Variants in LDLRAD3 observed in about 807,000 individuals in gnomAD.
The protein encoded by LDLRAD3 is low-density lipoprotein receptor class A domain-containing protein 3.
LDLRAD3 carries 20 observed loss-of-function variants against 29.4 expected under a neutral mutation model. That is an observed-to-expected ratio of 0.68 (90% CI 0.48 to 0.99). The LOEUF is 0.99. Ranked by LOEUF, LDLRAD3 falls within the 50% of genes least tolerant of loss-of-function variation. The pLI is 0.00. For missense variants in LDLRAD3, 420 were observed against 454.3 expected (o/e 0.92, Z 0.69); for synonymous variants, 157 against 192.7 (o/e 0.81, Z 1.53).
chr11:36,187,582 C>G (rs143808588), intron 4 of LDLRAD3, among the ~76,000 whole-genome samples: 1 of 152,244 alleles, frequency 6.6e-6, no homozygotes, highest in East Asian at 1.9e-4. Flanking sequence ...GGACATACAG[C>G]TCAGCTGAGA....
chr11:36,089,325 C>T (rs1853242255), intron 3 of LDLRAD3, among the ~76,000 whole-genome samples: 1 of 152,154 alleles, frequency 6.6e-6, no homozygotes, highest in Non-Finnish European at 1.5e-5. Context: ...AAATAACTTG[C>T]CCATACTCAC....
intron 4 of LDLRAD3, among the ~76,000 whole-genome samples, chr11:36,193,526 GT>G: frequency 6.6e-6 from 1 of 152,322 alleles, no homozygotes; most frequent in South Asian, 2.1e-4. Flanking sequence ...ACGCTGAGAT[GT>G]GTGCTTTGCA....
intron 4 of LDLRAD3, among the ~76,000 whole-genome samples, chr11:36,116,844 CTT>C (rs58819693): frequency 0.48 from 65,968 of 136,662 alleles, 17,733 homozygotes; most frequent in Admixed American, 0.6. Context: ...TTCTTTTTTT[CTT>C]TTTTTTTTTT....
chr11:36,213,399 T>G lies in LDLRAD3; in HGVS notation c.455-13686T>G, dbSNP rs1234426880. On this transcript the variant is annotated intron_variant, in intron 4 of 5. Coordinates refer to ENST00000315571, the MANE Select transcript of LDLRAD3 (RefSeq NM_174902.4). This position sits in a 1 kb window ranked among gnomAD's most constrained non-coding sequence, Gnocchi z 4.1. Reference sequence around the variant, plus strand: ...TTCAGTCATTTGCTGGTCTGCCCTTTAAATTAAACTTTTTCAATCCGCATC... The same window carrying G: ...TTCAGTCATTTGCTGGTCTGCCCTTGAAATTAAACTTTTTCAATCCGCATC... 2.0e-5 allele frequency among the ~76,000 whole-genome samples: 3 copies of G among 152,240 alleles called. No homozygotes were observed. The highest frequency in any genetic ancestry group is 2.9e-5 in the Non-Finnish European group (2 of 68,042).
At chr11:36,105,936 A>G (rs1422095832) in intron 4 of LDLRAD3, among the ~76,000 whole-genome samples, 4 of 152,220 alleles carry the variant, frequency 2.6e-5, no homozygotes, top group Admixed American at 6.5e-5. Flanking sequence ...GAGCAGAAAT[A>G]TAGCCAAGAG....
intron 4 of LDLRAD3, among the ~76,000 whole-genome samples, chr11:36,181,789 C>T (rs2133357716): frequency 6.6e-6 from 1 of 152,294 alleles, no homozygotes; most frequent in Admixed American, 6.5e-5. Flanking sequence ...GGTTGGATAA[C>T]ATTTTGAAAA....
intron 2 of LDLRAD3, among the ~76,000 whole-genome samples, chr11:36,069,309 T>C (rs1852853692): frequency 6.6e-6 from 1 of 152,220 alleles, no homozygotes; most frequent in South Asian, 2.1e-4. Flanking sequence ...AAGTCAGTTA[T>C]TTTTACAAGG....
intron 1 of LDLRAD3, chr11:36,001,105 G>A (rs1851818286): frequency 1.3e-5 from 2 of 152,186 alleles, no homozygotes; most frequent in African/African-American, 4.8e-5. Context: ...TGGAAAAATA[G>A]ATGACAGCCA....
chr11:36,208,013 T>C (rs949975526), intron 4 of LDLRAD3, among the ~76,000 whole-genome samples: 2 of 152,164 alleles, frequency 1.3e-5, no homozygotes, highest in Admixed American at 1.3e-4. Flanking sequence ...TTTCTACATC[T>C]CCACAAATGG....
intron 1 of LDLRAD3, among the ~76,000 whole-genome samples, chr11:36,030,513 C>G (rs935251416): frequency 6.6e-6 from 1 of 151,752 alleles, no homozygotes; most frequent in African/African-American, 2.4e-5. Flanking sequence ...CAGACAGTGG[C>G]CTTCAGTGGC....
At chr11:35,954,130 G>A (rs1851171990) in intron 1 of LDLRAD3, among the ~76,000 whole-genome samples, 1 of 152,148 alleles carries the variant, frequency 6.6e-6, no homozygotes, top group Admixed American at 6.5e-5. Flanking sequence ...GTTCATTTGT[G>A]TTATTCAAGT....
intron 1 of LDLRAD3, among the ~76,000 whole-genome samples, chr11:36,017,448 T>C (rs1413358249): frequency 6.6e-6 from 1 of 152,218 alleles, no homozygotes; most frequent in Non-Finnish European, 1.5e-5. Flanking sequence ...ACTTTCGCTG[T>C]GACTGGACTA....
chr11:36,214,732 A>C (rs1230663628), intron 4 of LDLRAD3, among the ~76,000 whole-genome samples: 1 of 152,006 alleles, frequency 6.6e-6, no homozygotes, highest in Non-Finnish European at 1.5e-5. Context: ...GGGGCAAATG[A>C]CCTCACTTCT....
intron 4 of LDLRAD3, among the ~76,000 whole-genome samples, chr11:36,206,578 G>A (rs770773911): frequency 3.3e-5 from 5 of 152,136 alleles, no homozygotes; most frequent in Non-Finnish European, 5.9e-5. Context: ...AATCTTGAAG[G>A]CTGGCCAGAT....
Position 36,126,816 on chromosome 11 carries a change from G to C in LDLRAD3, c.454+28355G>C, listed in dbSNP as rs541298949. 3.3e-5 allele frequency among the ~76,000 whole-genome samples: 5 copies of C among 152,340 alleles called. No homozygotes were observed. The South Asian group carries it at 1.0e-3, about 32-fold the overall frequency. On this transcript the variant is annotated intron_variant, in intron 4 of 5. Coordinates refer to ENST00000315571, the MANE Select transcript of LDLRAD3 (RefSeq NM_174902.4). ...ACTCTGTGGAGTTATAATCTGCAGA[G>C]AACCTATGTTGTAAGACCAGTGGGT...
intron 1 of LDLRAD3, among the ~76,000 whole-genome samples, chr11:35,948,427 G>C (rs1455446662): frequency 1.4e-5 from 2 of 145,382 alleles, no homozygotes; most frequent in Non-Finnish European, 3.0e-5. Context: ...AGATTTTTAA[G>C]TTGGCTGATC....
intron 4 of LDLRAD3, among the ~76,000 whole-genome samples, chr11:36,135,522 A>T (rs976564607): frequency 6.6e-6 from 1 of 152,200 alleles, no homozygotes; most frequent in Non-Finnish European, 1.5e-5. Context: ...CATCTCCCAA[A>T]ACAGTGATTT....
chr11:36,199,633 G>C (rs138854193), intron 4 of LDLRAD3, among the ~76,000 whole-genome samples: 1 of 152,134 alleles, frequency 6.6e-6, no homozygotes, highest in East Asian at 1.9e-4. Context: ...ATTCCAGGTG[G>C]ATTGACAGCC....
At chr11:36,047,578 A>T (rs940236764) in intron 2 of LDLRAD3, among the ~76,000 whole-genome samples, 1 of 152,198 alleles carries the variant, frequency 6.6e-6, no homozygotes, top group Admixed American at 6.5e-5. Flanking sequence ...AATGGTGCTG[A>T]ACATTTCCAA....
Sources: gnomAD v4.1 joint callset for allele counts (sites outside exome capture counted in the v4.1 genomes callset) on GRCh38, gnomAD v4.1.1 for gene constraint, Gnocchi (gnomAD v3.1) non-coding constraint, MANE v1.5 for transcripts, NCBI Gene and HGNC (gene_info 2026-07-23, HGNC 2026-07-21) for gene names.